ST6GALNAC5: variants seen among roughly 807,000 people sequenced by gnomAD.
ST6GALNAC5 encodes alpha-N-acetylgalactosaminide alpha-2,6-sialyltransferase 5.
A neutral mutation model predicts 33.6 loss-of-function variants in ST6GALNAC5; 27 were observed. That is an observed-to-expected ratio of 0.80 (90% CI 0.59 to 1.11). The LOEUF is 1.11. Among genes scored for constraint, ST6GALNAC5 ranks in the 50% least tolerant of loss-of-function variants. ST6GALNAC5 has a pLI of 0.00. For missense variants in ST6GALNAC5, 428 were observed against 454.0 expected, an observed-to-expected ratio of 0.94 and a Z score of 0.52; for synonymous variants, 194 against 171.2, an observed-to-expected ratio of 1.13 and a Z score of -1.04.
intron 2 of ST6GALNAC5, among the ~76,000 whole-genome samples, chr1:76,990,632 C>G (rs943957169): frequency 6.6e-6 from 1 of 152,110 alleles, no homozygotes; most frequent in Non-Finnish European, 1.5e-5. Flanking sequence ...CCATCCTCAA[C>G]CTAATCTTCC....
chr1:77,040,916 T>A (rs996871331), intron 2 of ST6GALNAC5, among the ~76,000 whole-genome samples: 6 of 152,222 alleles, frequency 3.9e-5, no homozygotes, highest in African/African-American at 1.4e-4. Context: ...TTAGAATGAA[T>A]GAACAAATCA....
At chr1:76,875,593 G>A (rs933223010) in intron 2 of ST6GALNAC5, among the ~76,000 whole-genome samples, 2 of 152,102 alleles carry the variant, frequency 1.3e-5, no homozygotes, top group Non-Finnish European at 2.9e-5. Flanking sequence ...AGATGGCAGC[G>A]TTCCTCTCTC....
chr1:76,985,935 G>C (rs1649477710), intron 2 of ST6GALNAC5, among the ~76,000 whole-genome samples: 1 of 152,124 alleles, frequency 6.6e-6, no homozygotes, highest in Non-Finnish European at 1.5e-5. Context: ...AAATGGTGTT[G>C]GGAAAACTGG....
chr1:76,946,678 A>G (rs1444081802), intron 2 of ST6GALNAC5, among the ~76,000 whole-genome samples: 3 of 152,098 alleles, frequency 2.0e-5, no homozygotes, highest in Admixed American at 6.6e-5. Flanking sequence ...TAAATTTAAG[A>G]GTTGCGGTTG....
At chr1:77,040,725 C>T (rs1651805011) in intron 2 of ST6GALNAC5, among the ~76,000 whole-genome samples, 1 of 152,178 alleles carries the variant, frequency 6.6e-6, no homozygotes, top group Non-Finnish European at 1.5e-5. Flanking sequence ...GTAATAATGA[C>T]TACAGTAAAA....
At chr1:77,004,893 A>G (rs1280885823) in intron 2 of ST6GALNAC5, among the ~76,000 whole-genome samples, 3 of 140,062 alleles carry the variant, frequency 2.1e-5, no homozygotes, top group Non-Finnish European at 4.8e-5. Context: ...TGCTCTCTTC[A>G]AAGCTGTCAG....
intron 2 of ST6GALNAC5, among the ~76,000 whole-genome samples, chr1:76,944,379 T>G (rs1360809996): frequency 2.0e-5 from 3 of 152,058 alleles, no homozygotes; most frequent in East Asian, 1.9e-4. Context: ...TGTAAAGGAT[T>G]TTTTTATGAA....
chr1:76,920,990 T>TAGCA (rs2100296672), intron 2 of ST6GALNAC5, among the ~76,000 whole-genome samples: 1 of 152,306 alleles, frequency 6.6e-6, no homozygotes, highest in Non-Finnish European at 1.5e-5. Context: ...AGTGAACTGC[T>TAGCA]AATGGCAGAG....
intron 2 of ST6GALNAC5, among the ~76,000 whole-genome samples, chr1:76,903,132 A>C (rs1029872725): frequency 1.3e-5 from 2 of 152,186 alleles, no homozygotes; most frequent in African/African-American, 2.4e-5. Context: ...ATATTTTCAA[A>C]TTATATATCC....
chr1:77,044,825 T>C (rs1386828310), intron 3 of ST6GALNAC5, among the ~76,000 whole-genome samples: 1 of 152,172 alleles, frequency 6.6e-6, no homozygotes, highest in Non-Finnish European at 1.5e-5. Flanking sequence ...GATAATTATA[T>C]GGATATTTCA....
intron 2 of ST6GALNAC5, among the ~76,000 whole-genome samples, chr1:76,911,737 G>T (rs888940705): frequency 2.0e-5 from 3 of 152,198 alleles, no homozygotes; most frequent in Non-Finnish European, 4.4e-5. Flanking sequence ...GCATAGAGGT[G>T]TTTGTAGTAT....
intron 4 of ST6GALNAC5, among the ~76,000 whole-genome samples, chr1:77,061,576 T>C (rs1220181862): frequency 6.6e-6 from 1 of 152,194 alleles, no homozygotes; most frequent in African/African-American, 2.4e-5. Flanking sequence ...AGCCTGGGCC[T>C]TTTCTCTTCT....
chr1:77,050,432 G>A (rs1652183311), intron 4 of ST6GALNAC5, 67 bp downstream of exon 4: 4 of 1,439,746 alleles, frequency 2.8e-6, no homozygotes, highest in Non-Finnish European at 1.9e-6. Flanking sequence ...ATCTGATTCT[G>A]AATATCAACC....
rs568811508 is a variant in ST6GALNAC5 at position 76,910,629 on chromosome 1, A to G, written c.261+41887A>G. Among the ~76,000 whole-genome samples the G allele has an allele frequency of 4.6e-5, 7 of 152,224 alleles. No homozygotes were observed. The South Asian group carries it at 1.4e-3, about 32-fold the overall frequency. ...TAAACTATAAAATACTGAGGATCGTATGCTTCTAATGATACCTTTTCTGTA... is the reference window on the plus strand; with the variant it reads ...TAAACTATAAAATACTGAGGATCGTGTGCTTCTAATGATACCTTTTCTGTA... On this transcript the variant is annotated intron_variant, in intron 2 of 4. Transcript: ENST00000477717.
rs1207263320 is a variant in ST6GALNAC5, at chr1:77,063,717, T to C, written c.*511T>C. ...TCTCCACTGACTTTCATAAAGCAAA[T>C]GTCCAATATTTATTTATTGAGAGTT... is the stretch of plus-strand genomic sequence containing the variant. On this transcript the variant is annotated 3_prime_UTR_variant, in exon 5 of 5. Coordinates refer to ENST00000477717, the MANE Select transcript of ST6GALNAC5 (RefSeq NM_030965.3). 1 of 155,796 alleles carries C rather than the reference T, an allele frequency of 6.4e-6. No individual in the cohort carries two copies. Among genetic ancestry groups the C allele is most frequent in the Admixed American group, 6.2e-5 (1 of 16,050 alleles). The allele number at this position is 155,796 out of a possible 1,614,324, so 9.7% of individuals were successfully genotyped here. A position where few individuals can be genotyped will look rare whatever the true frequency, so the allele number is the denominator to read the frequency against.
At chr1:76,912,223 A>G (rs960830442) in intron 2 of ST6GALNAC5, among the ~76,000 whole-genome samples, 32 of 151,944 alleles carry the variant, frequency 2.1e-4, no homozygotes, top group Admixed American at 6.6e-4. Context: ...GTTTCCATGT[A>G]CTTGAGTGGT....
chr1:77,031,247 G>A (rs1166289926), intron 2 of ST6GALNAC5, among the ~76,000 whole-genome samples: 1 of 152,192 alleles, frequency 6.6e-6, no homozygotes, highest in Non-Finnish European at 1.5e-5. Context: ...GCTAATGGCT[G>A]CCTAGCTGGT....
At chr1:77,033,861 G>A (rs1013410513) in intron 2 of ST6GALNAC5, among the ~76,000 whole-genome samples, 1 of 152,136 alleles carries the variant, frequency 6.6e-6, no homozygotes, top group East Asian at 1.9e-4. Flanking sequence ...TTCCAACCAG[G>A]TAATTAACTC....
chr1:77,037,474 T>C (rs1248879916), intron 2 of ST6GALNAC5, among the ~76,000 whole-genome samples: 1 of 152,132 alleles, frequency 6.6e-6, no homozygotes, highest in Non-Finnish European at 1.5e-5. Flanking sequence ...GATGGGATCA[T>C]TCATGCCTCA....
Sources: allele counts gnomAD v4.1 joint callset (sites outside exome capture counted in the v4.1 genomes callset), GRCh38; gene constraint gnomAD v4.1.1; transcripts MANE v1.5; gene names NCBI Gene and HGNC (gene_info 2026-07-23, HGNC 2026-07-21).